Variants in TCF20 observed in about 807,000 individuals in gnomAD.
TCF20 encodes transcription factor 20.
Under a neutral mutation model 148.6 loss-of-function variants are expected in TCF20, and 3 were observed. The ratio of observed to expected loss-of-function variants is 0.02; its 90% CI spans 0.01 to 0.05. The LOEUF is 0.05. TCF20 is among the 10% of genes least tolerant of loss of function. The pLI is 1.00. For synonymous variants in TCF20, 1,049 were observed against 909.5 expected, an observed-to-expected ratio of 1.15 and a Z score of -2.76; for missense variants, 2,350 against 2,429.3, an observed-to-expected ratio of 0.97 and a Z score of 0.69.
At chr22:42,334,121 G>A (rs941107610) in intron 1 of TCF20, among the ~76,000 whole-genome samples, 1 of 152,206 alleles carries the variant, frequency 6.6e-6, no homozygotes, top group African/African-American at 2.4e-5. Context: ...CCTGTCCAGA[G>A]CCTGAACATC....
chr22:42,198,257 C>T (rs570779747), intron 2 of TCF20, among the ~76,000 whole-genome samples: 18 of 152,316 alleles, frequency 1.2e-4, no homozygotes, highest in African/African-American at 4.3e-4. Context: ...AGGTTTGAAT[C>T]CTGGGCAAGC....
At position 42,213,006 on chromosome 22, in the gene TCF20, C is replaced by G; in HGVS notation, c.2300G>C (p.Arg767Thr). The G allele has an allele frequency of 6.2e-7, 1 of 1,614,114 alleles. No individual in the cohort carries two copies. Residue 767 changes from arginine (R) to threonine (T), a missense_variant, in exon 2 of 6, where the codon AGA becomes ACA. By Grantham distance (71) the Arg-to-Thr change is moderately conservative. Coordinates refer to ENST00000677622, the MANE Select transcript of TCF20 (RefSeq NM_001378418.1). ...ATGCTCTTGAGTACTCCTAGAATATCTCCTGTCAGGGTGGTGGTGGTAACC... is the reference window on the plus strand; with the variant it reads ...ATGCTCTTGAGTACTCCTAGAATATGTCCTGTCAGGGTGGTGGTGGTAACC... ...LQGYHHHPDRRYSRSTQEHQG... is the reference protein window; with the variant it reads ...LQGYHHHPDRTYSRSTQEHQG...
chr22:42,163,620 G>C (rs1331962203), intron 5 of TCF20, among the ~76,000 whole-genome samples: 2 of 152,202 alleles, frequency 1.3e-5, no homozygotes, highest in African/African-American at 2.4e-5. Context: ...CCAAAGCGAC[G>C]TGGCCAGAGG....
Position 42,212,964 on chromosome 22 carries a change from C to G in TCF20, c.2342G>C (p.Ser781Thr). ...ATTGGGCCTTGTGGTTCCTTCTAGG[C>G]TACCAGCCATCCCCTGATGCTCTTG... ...STQEHQGMAGSLEGTTRPNVL... is the reference protein window; with the variant it reads ...STQEHQGMAGTLEGTTRPNVL... Residue 781 changes from serine (S) to threonine (T), a missense_variant, in exon 2 of 6, where the codon AGC (serine) becomes ACC (threonine). Transcript: ENST00000677622. The G allele has an allele frequency of 1.2e-6, 2 of 1,614,174 alleles. No individual in the cohort carries two copies. The highest frequency in any genetic ancestry group is 1.7e-6 in the Non-Finnish European group (2 of 1,180,018).
At chr22:42,168,860 C>G (rs950647503) in intron 4 of TCF20, 124 bp from the exon 5 acceptor site, 2 of 1,295,828 alleles carry the variant, frequency 1.5e-6, no homozygotes, top group East Asian at 5.8e-5. Context: ...TCAGTCCTGA[C>G]CGACAAACAG....
chr22:42,232,996 G>A (rs148383975), intron 1 of TCF20, among the ~76,000 whole-genome samples: 416 of 152,222 alleles, frequency 2.7e-3, no homozygotes, highest in African/African-American at 9.6e-3. Context: ...TCTCGGCTCA[G>A]TGCAACCTCT....
chr22:42,339,700 T>C (rs2147063633), intron 1 of TCF20, among the ~76,000 whole-genome samples: 1 of 152,282 alleles, frequency 6.6e-6, no homozygotes, highest in South Asian at 2.1e-4. Flanking sequence ...AGCTAGTGAG[T>C]GGCACAGCCA....
intron 1 of TCF20, among the ~76,000 whole-genome samples, chr22:42,232,896 G>C (rs970690508): frequency 3.3e-5 from 5 of 151,482 alleles, no homozygotes; most frequent in African/African-American, 1.2e-4. Flanking sequence ...TACTTTTATT[G>C]AGTGTTTAAA....
intron 1 of TCF20, among the ~76,000 whole-genome samples, chr22:42,242,221 A>C (rs1470942685): frequency 4.0e-5 from 6 of 150,022 alleles, no homozygotes; most frequent in Non-Finnish European, 8.9e-5. Context: ...AAAAAAAAAA[A>C]AAAAAACAGA....
Position 42,211,333 on chromosome 22 carries a change from T to C in TCF20, c.3973A>G (p.Ser1325Gly), listed in dbSNP as rs769573889. Residue 1325 changes from serine (S) to glycine (G), a missense_variant, in exon 2 of 6, where the codon AGT becomes GGT. By Grantham distance (56) the Ser-to-Gly change is moderately conservative. Around this residue, in one of 7 missense-constraint regions of TCF20, gnomAD observed 1,641 missense variants for 1,662.6 expected, o/e 0.99. Transcript: ENST00000677622. ...DSSKDLPSPD[S>G]RNCPAVTLTS... ...AGGGTAACAGCAGGGCAGTTTCTAC[T>C]ATCTGGACTTGGAAGGTCCTTGGAG... The C allele has an allele frequency of 4.3e-6, 7 of 1,614,210 alleles. 1 individual carries two copies. The highest frequency in any genetic ancestry group is 5.9e-6 in the Non-Finnish European group (7 of 1,180,034).
At chr22:42,329,218 G>A (rs1050979633) in intron 1 of TCF20, among the ~76,000 whole-genome samples, 5 of 152,184 alleles carry the variant, frequency 3.3e-5, no homozygotes, top group Admixed American at 2.0e-4. Flanking sequence ...TCAGAAGAGC[G>A]GTGGGAATTC....
rs1928116069 is a variant in TCF20 at position 42,338,925 on chromosome 22, G to A, written c.-37+4554C>T. Among the ~76,000 whole-genome samples the A allele has an allele frequency of 6.6e-6, 1 of 152,086 alleles. No individual in the cohort carries two copies. On this transcript the variant is annotated intron_variant, in intron 1 of 1. Coordinates refer to the TCF20 transcript ENST00000515426. The surrounding 1 kb of genome is among the most constrained non-coding windows in gnomAD (Gnocchi z 4.0). ...AGGATGGGGGTGAGCAGGGTGTCTG[G>A]TCCCATTTTTCAGATAGGAGAGGTC...
At chr22:42,277,607 G>A (rs1175596849) in intron 1 of TCF20, among the ~76,000 whole-genome samples, 1 of 152,212 alleles carries the variant, frequency 6.6e-6, no homozygotes, top group Non-Finnish European at 1.5e-5. Flanking sequence ...GGGCCTGCAG[G>A]GTAATGTAAG....
intron 1 of TCF20, among the ~76,000 whole-genome samples, chr22:42,268,420 G>A (rs760461546): frequency 6.6e-6 from 1 of 152,162 alleles, no homozygotes; most frequent in Non-Finnish European, 1.5e-5. Flanking sequence ...GAAAGTTGGG[G>A]ATGCAGATAA....
chr22:42,299,855 G>A lies in TCF20; in HGVS notation c.-37+43624C>T, dbSNP rs1449459838. On this transcript the variant is annotated intron_variant, in intron 1 of 1. Coordinates refer to the TCF20 transcript ENST00000515426. This position sits in a 1 kb window ranked among gnomAD's most constrained non-coding sequence, Gnocchi z 4.1. ...AGGGGGAGAAGGAAGCGGAGGGGAG[G>A]AGGGAGGAGGGAAAAGACAGAAAGG... Among the ~76,000 whole-genome samples the A allele has an allele frequency of 1.3e-5, 2 of 151,332 alleles. No individual in the cohort carries two copies. Among genetic ancestry groups the A allele is most frequent in the Non-Finnish European group, 2.9e-5 (2 of 67,812 alleles).
intron 1 of TCF20, among the ~76,000 whole-genome samples, chr22:42,234,907 A>G (rs1243898798): frequency 2.0e-5 from 3 of 152,132 alleles, no homozygotes; most frequent in African/African-American, 7.2e-5. Context: ...TTTGGAGGGC[A>G]GGGCAGGCGG....
chr22:42,214,744 A>G lies in TCF20; in HGVS notation c.562T>C (p.Tyr188His). The G allele has an allele frequency of 6.2e-7, 1 of 1,613,910 alleles. No homozygotes were observed. Among genetic ancestry groups the G allele is most frequent in the Non-Finnish European group, 8.5e-7 (1 of 1,179,984 alleles). The change falls in exon 2 of 6, where the codon TAC becomes CAC. Residue 188 changes from tyrosine to histidine, a missense_variant. Coordinates refer to ENST00000677622, the MANE Select transcript of TCF20 (RefSeq NM_001378418.1). ...QQVQQLRQQL[Y>H]QSHQPLPQAT... is the part of the protein sequence containing the mutation. ...TGTGGCAGGGGCTGATGGGACTGGT[A>G]AAGCTGTTGTCTCAACTGCTGGACT... is the stretch of plus-strand genomic sequence containing the variant.
intron 1 of TCF20, among the ~76,000 whole-genome samples, chr22:42,234,242 C>T (rs994876972): frequency 1.3e-5 from 2 of 152,170 alleles, no homozygotes; most frequent in African/African-American, 4.8e-5. Flanking sequence ...TTTAATGTGT[C>T]CTTGGCCTTC....
intron 1 of TCF20, among the ~76,000 whole-genome samples, chr22:42,305,827 C>T (rs1927421973): frequency 6.6e-6 from 1 of 151,950 alleles, no homozygotes; most frequent in Non-Finnish European, 1.5e-5. Context: ...ACCCCATCTC[C>T]ATCCTCATGC....
Sources: gnomAD v4.1 joint callset for allele counts (sites outside exome capture counted in the v4.1 genomes callset) on GRCh38, gnomAD v4.1.1 for gene constraint, gnomAD v4.1.1 regional missense constraint, Gnocchi (gnomAD v3.1) non-coding constraint, MANE v1.5 for transcripts, NCBI Gene and HGNC (gene_info 2026-07-23, HGNC 2026-07-21) for gene names.